Variants in CYTH1 observed in about 807,000 individuals in gnomAD.
The protein encoded by CYTH1 is cytohesin-1.
CYTH1 carries 18 observed loss-of-function variants against 61.8 expected under a neutral mutation model. The ratio of observed to expected loss-of-function variants is 0.29; its 90% CI spans 0.20 to 0.43. The LOEUF is 0.43. CYTH1 is among the 20% of genes least tolerant of loss of function. CYTH1 has a pLI of 1.00. For synonymous variants in CYTH1, 174 were observed against 184.3 expected (o/e 0.94, Z 0.45); for missense variants, 336 against 510.5 (o/e 0.66, Z 3.29).
chr17:78,711,541 T>C (rs577719728), intron 1 of CYTH1, among the ~76,000 whole-genome samples: 10 of 152,092 alleles, frequency 6.6e-5, no homozygotes, highest in Non-Finnish European at 1.5e-4. Flanking sequence ...ACAGTTAGGA[T>C]ACACATACTT....
chr17:78,724,213 G>A (rs1287627283), intron 1 of CYTH1, among the ~76,000 whole-genome samples: 4 of 152,148 alleles, frequency 2.6e-5, no homozygotes, highest in Admixed American at 6.5e-5. Flanking sequence ...CAGAGGGCAC[G>A]AGAATCACCA....
intron 3 of CYTH1, among the ~76,000 whole-genome samples, chr17:78,707,769 C>T (rs553591676): frequency 6.6e-6 from 1 of 152,068 alleles, no homozygotes; most frequent in Admixed American, 6.5e-5. Context: ...CAACCTCCAC[C>T]TCCCGGGTTC....
chr17:78,760,457 A>G (rs1227593780), intron 1 of CYTH1, among the ~76,000 whole-genome samples: 2 of 53,226 alleles, frequency 3.8e-5, no homozygotes, highest in African/African-American at 7.6e-5. Context: ...ATATATATAC[A>G]TACATATATA....
chr17:78,732,781 T>C (rs926738120), intron 1 of CYTH1, among the ~76,000 whole-genome samples: 1 of 152,090 alleles, frequency 6.6e-6, no homozygotes, highest in Non-Finnish European at 1.5e-5. Context: ...CACAATCACA[T>C]GGCACGCATT....
At chr17:78,690,435 A>AAAAAAAAT (rs2092871046) in intron 11 of CYTH1, among the ~76,000 whole-genome samples, 2 of 137,268 alleles carry the variant, frequency 1.5e-5, no homozygotes, top group Admixed American at 7.6e-5. Flanking sequence ...AAAAAAAGAA[A>AAAAAAAAT]TGTATTTACT....
intron 1 of CYTH1, among the ~76,000 whole-genome samples, chr17:78,720,335 T>A (rs2093217329): frequency 1.3e-5 from 2 of 152,192 alleles, no homozygotes; most frequent in Admixed American, 6.5e-5. Context: ...TTGTTTGTTT[T>A]TGAGATGGAG....
intron 1 of CYTH1, among the ~76,000 whole-genome samples, chr17:78,772,543 T>C: frequency 6.6e-6 from 1 of 152,204 alleles, no homozygotes; most frequent in East Asian, 1.9e-4. Context: ...GTTTCGTTTT[T>C]GTTTTTGTTT....
intron 1 of CYTH1, among the ~76,000 whole-genome samples, chr17:78,734,226 A>C (rs1794410258): frequency 6.6e-6 from 1 of 151,136 alleles, no homozygotes; most frequent in Non-Finnish European, 1.5e-5. Flanking sequence ...TCGGCAACAG[A>C]GCGAGACTCT....
At chr17:78,694,261 A>T (rs1486222498) in intron 10 of CYTH1, among the ~76,000 whole-genome samples, 1 of 152,230 alleles carries the variant, frequency 6.6e-6, no homozygotes, top group Non-Finnish European at 1.5e-5. Flanking sequence ...CAAATGACAC[A>T]GATCTAGGTT....
At chr17:78,754,804 T>C (rs2093394423) in intron 1 of CYTH1, among the ~76,000 whole-genome samples, 2 of 152,220 alleles carry the variant, frequency 1.3e-5, no homozygotes, top group Admixed American at 6.5e-5. Flanking sequence ...ATTATACTTA[T>C]GTTAAATAAA....
chr17:78,693,429 C>A lies in CYTH1; in HGVS notation c.815-936G>T, dbSNP rs149146936. Among the ~76,000 whole-genome samples, 11 of 152,078 alleles carry A rather than the reference C, an allele frequency of 7.2e-5. No individual in the cohort carries two copies. In the East Asian group the frequency reaches 1.9e-3, roughly 27 times the overall value. ...CTTGAGGTCAGGAGTTCAAGACCAG[C>A]CGGCCAACATGGTGAATCCCCATCT... On this transcript the variant is annotated intron_variant, in intron 10 of 13. Transcript: ENST00000446868.
At chr17:78,694,739 A>C (rs1233761470) in intron 10 of CYTH1, among the ~76,000 whole-genome samples, 6 of 152,218 alleles carry the variant, frequency 3.9e-5, no homozygotes, top group African/African-American at 1.4e-4. Flanking sequence ...ATGCTAAAAG[A>C]AACAAGATGG....
chr17:78,773,674 A>G (rs1210001320), intron 1 of CYTH1, among the ~76,000 whole-genome samples: 2 of 152,010 alleles, frequency 1.3e-5, no homozygotes, highest in East Asian at 3.8e-4. Flanking sequence ...CTAAAAATCT[A>G]TTTAATTCAC....
At chr17:78,712,715 GTAATCGTA>G (rs2093147133) in intron 1 of CYTH1, among the ~76,000 whole-genome samples, 2 of 151,710 alleles carry the variant, frequency 1.3e-5, no homozygotes, top group Admixed American at 6.6e-5. Context: ...AATCAATTAG[GTAATCGTA>G]TAATTACCTA....
rs746383819 is a variant in CYTH1 at position 78,709,684 on chromosome 17, C to T, written c.71G>A (p.Arg24Gln). 5.6e-6 allele frequency: 9 copies of T among 1,614,110 alleles called. No individual in the cohort carries two copies. The highest frequency in any genetic ancestry group is 1.7e-5 in the Admixed American group (1 of 60,012). Residue 24 changes from arginine (R) to glutamine (Q), a missense_variant, in exon 2 of 14, where the codon CGA (arginine) becomes CAA (glutamine). Physicochemically the swap from Arg to Gln is conservative, Grantham distance 43. Coordinates refer to ENST00000446868, the MANE Select transcript of CYTH1 (RefSeq NM_004762.6). Reference protein sequence around the residue: ...AEERQELENIRRRKQELLADI... With the variant: ...AEERQELENIQRRKQELLADI... Reference sequence around the variant, plus strand: ...AGCCAGCAGCTCCTGTTTTCTCCGTCGGATGTTCTCCAGTTCTTGACGCTC... The same window carrying T: ...AGCCAGCAGCTCCTGTTTTCTCCGTTGGATGTTCTCCAGTTCTTGACGCTC...
chr17:78,706,303 G>A (rs1203682401), intron 3 of CYTH1, among the ~76,000 whole-genome samples: 8 of 51,228 alleles, frequency 1.6e-4, no homozygotes, highest in South Asian at 1.5e-3. Context: ...ACCCCACCCC[G>A]CCCCAGCAAC....
intron 1 of CYTH1, among the ~76,000 whole-genome samples, chr17:78,772,911 C>A (rs908741715): frequency 6.6e-6 from 1 of 152,092 alleles, no homozygotes; most frequent in Non-Finnish European, 1.5e-5. Context: ...CTCACTGCAA[C>A]CTCCGCCTCC....
At chr17:78,683,360 G>C (rs2043543070) in intron 11 of CYTH1, among the ~76,000 whole-genome samples, 1 of 152,198 alleles carries the variant, frequency 6.6e-6, no homozygotes, top group Admixed American at 6.5e-5. Context: ...GGGACTCCTT[G>C]GTTGTCCCAT....
At chr17:78,781,484 G>T (rs1018699223) in intron 1 of CYTH1, among the ~76,000 whole-genome samples, 1 of 152,152 alleles carries the variant, frequency 6.6e-6, no homozygotes, top group Admixed American at 6.5e-5. Flanking sequence ...CCCCAGTCAG[G>T]GGAGGAGCGG....
Sources: allele counts gnomAD v4.1 joint callset (sites outside exome capture counted in the v4.1 genomes callset), GRCh38; gene constraint gnomAD v4.1.1; transcripts MANE v1.5; gene names NCBI Gene and HGNC (gene_info 2026-07-23, HGNC 2026-07-21).